AKR1C4: variants seen among roughly 807,000 people sequenced by gnomAD.
AKR1C4 encodes aldo-keto reductase family 1 member C4.
In AKR1C4, 44 loss-of-function variants were observed where a neutral mutation model predicts 41.0. The ratio of observed to expected loss-of-function variants is 1.07; its 90% CI spans 0.84 to 1.38. AKR1C4 has a LOEUF of 1.38. AKR1C4 is among the 40% of genes most tolerant of loss of function. AKR1C4 has a pLI of 0.00. For missense variants in AKR1C4, 438 were observed against 387.9 expected, an observed-to-expected ratio of 1.13 and a Z score of -1.09; for synonymous variants, 165 against 137.7, an observed-to-expected ratio of 1.20 and a Z score of -1.39.
intron 2 of AKR1C4, among the ~76,000 whole-genome samples, chr10:5,203,591 G>T (rs1334116654): frequency 6.6e-6 from 1 of 152,198 alleles, no homozygotes; most frequent in Non-Finnish European, 1.5e-5. Context: ...TTTTTCATCT[G>T]TCTCACAGTG....
In AKR1C4 at chr10:5,212,982, C is replaced by G. The variant is rs1430120384; in HGVS notation, c.681-12C>G. On this transcript the variant is annotated splice_polypyrimidine_tract_variant and intron_variant, in intron 6 of 8. Coordinates refer to ENST00000263126, the MANE Select transcript of AKR1C4 (RefSeq NM_001818.5). ...AGCCTCAAGACTTCAGCATTTCTGG[C>G]TTTCCTTCCAGGGTGGACCCAAACT... 1 of 1,613,048 alleles carries G rather than the reference C, an allele frequency of 6.2e-7. No individual in the cohort carries two copies. The highest frequency in any genetic ancestry group is 1.1e-5 in the South Asian group (1 of 90,984).
chr10:5,216,395 A>AT (rs1330460503), intron 7 of AKR1C4, among the ~76,000 whole-genome samples: 1 of 152,188 alleles, frequency 6.6e-6, no homozygotes, highest in African/African-American at 2.4e-5. Context: ...ACATTTCAAA[A>AT]TTTCTCTAGA....
Position 5,213,040 on chromosome 10 carries a change from G to T in AKR1C4, c.727G>T (p.Ala243Ser). The T allele has an allele frequency of 6.2e-7, 1 of 1,614,098 alleles. No individual in the cohort carries two copies. Among genetic ancestry groups the T allele is most frequent in the African/African-American group, 1.3e-5 (1 of 75,022 alleles). The change falls in exon 7 of 9, where the codon GCC (alanine) becomes TCC (serine). Residue 243 changes from alanine (A) to serine (S), a missense_variant. By Grantham distance (99) the Ala-to-Ser change is moderately conservative. Coordinates refer to ENST00000263126, the MANE Select transcript of AKR1C4 (RefSeq NM_001818.5). ...PVLLEDPVLC[A>S]LAKKHKQTPA... The stretch of plus-strand genomic sequence containing the variant: ...TCTTTTGGAGGACCCAGTTCTTTGT[G>T]CCTTAGCAAAGAAACACAAACAAAC...
At chr10:5,217,572 C>A (rs1222414143) in intron 8 of AKR1C4, among the ~76,000 whole-genome samples, 1 of 152,086 alleles carries the variant, frequency 6.6e-6, no homozygotes, top group Non-Finnish European at 1.5e-5. Flanking sequence ...CCAGCCTGGC[C>A]AAAATGGCAA....
rs1554798055 is a variant in AKR1C4 at position 5,212,655 on chromosome 10, G to T, written c.610G>T (p.Asp204Tyr). The change falls in exon 6 of 9, where the codon GAT (aspartate) becomes TAT (tyrosine). Residue 204 changes from aspartate to tyrosine, a missense_variant. Asp to Tyr is a radical substitution (Grantham distance 160, BLOSUM62 -3). Coordinates refer to ENST00000263126, the MANE Select transcript of AKR1C4 (RefSeq NM_001818.5). ...HPYLNQSKLL[D>Y]FCKSKDIVLV... ...TTACCTCAACCAGAGCAAACTGCTG[G>T]ATTTCTGCAAGTCAAAAGACATTGT... The T allele has an allele frequency of 6.2e-7, 1 of 1,613,802 alleles. No individual in the cohort carries two copies.
chr10:5,217,661 G>A (rs1012070387), intron 8 of AKR1C4, among the ~76,000 whole-genome samples: 1 of 152,210 alleles, frequency 6.6e-6, no homozygotes, highest in Non-Finnish European at 1.5e-5. Context: ...TAAGGAGGCT[G>A]AGACAGGAGA....
intron 5 of AKR1C4, among the ~76,000 whole-genome samples, chr10:5,208,263 T>C (rs1832519474): frequency 6.6e-6 from 1 of 151,660 alleles, no homozygotes; most frequent in Non-Finnish European, 1.5e-5. Flanking sequence ...CTTACTCTTT[T>C]ACTACTTAGA....
At chr10:5,207,618 A>T in intron 5 of AKR1C4, 1 of 1,170,738 alleles carries the variant, frequency 8.5e-7, no homozygotes, top group Non-Finnish European at 1.2e-6. Flanking sequence ...CAATGGTTGA[A>T]CTAAGCTCAT....
At chr10:5,197,602 C>T (rs1341477634) in intron 1 of AKR1C4, among the ~76,000 whole-genome samples, 1 of 152,190 alleles carries the variant, frequency 6.6e-6, no homozygotes, top group East Asian at 1.9e-4. Flanking sequence ...AGATTTGTAT[C>T]AAAATGATAG....
chr10:5,203,388 C>T (rs569065932), intron 2 of AKR1C4, among the ~76,000 whole-genome samples: 41 of 152,308 alleles, frequency 2.7e-4, no homozygotes, highest in African/African-American at 9.4e-4. Context: ...TCCCTCAGTC[C>T]ATGCTGGAGA....
chr10:5,215,381 G>A (rs1832640176), intron 7 of AKR1C4, among the ~76,000 whole-genome samples: 1 of 151,394 alleles, frequency 6.6e-6, no homozygotes, highest in Admixed American at 6.6e-5. Flanking sequence ...TTGTGCTGCT[G>A]TAAAAAAAAT....
chr10:5,213,396 ACT>A (rs1832607235), intron 7 of AKR1C4, among the ~76,000 whole-genome samples: 1 of 152,086 alleles, frequency 6.6e-6, no homozygotes, highest in Non-Finnish European at 1.5e-5. Flanking sequence ...TGGCAACTTA[ACT>A]CTATCCCTCT....
chr10:5,216,857 T>G, intron 8 of AKR1C4, 64 bp downstream of exon 8: 1 of 1,185,458 alleles, frequency 8.4e-7, no homozygotes, highest in African/African-American at 1.5e-5. Context: ...AGATGGGTGT[T>G]GAAAGTGACC....
intron 5 of AKR1C4, among the ~76,000 whole-genome samples, chr10:5,206,947 G>A (rs1489997697): frequency 2.0e-5 from 3 of 152,180 alleles, no homozygotes; most frequent in Non-Finnish European, 2.9e-5. Context: ...AGGTTAGGGA[G>A]AGGAAGTTAC....
intron 1 of AKR1C4, 72 bp downstream of exon 1, chr10:5,197,023 G>T: frequency 1.4e-6 from 2 of 1,471,186 alleles, no homozygotes; most frequent in South Asian, 1.1e-5. Context: ...GACCTGGGTT[G>T]TTCAGCTTTG....
Position 5,212,667 on chromosome 10 carries a change from T to C in AKR1C4, c.622T>C (p.Ser208Pro), listed in dbSNP as rs1234930517. 3 of 1,613,818 alleles carry C rather than the reference T, an allele frequency of 1.9e-6. No homozygotes were observed. Among genetic ancestry groups the C allele is most frequent in the Non-Finnish European group, 2.5e-6 (3 of 1,179,980 alleles). Residue 208 changes from serine (S) to proline (P), a missense_variant, in exon 6 of 9, where the codon TCA becomes CCA. By Grantham distance (74) the Ser-to-Pro change is moderately conservative. Transcript: ENST00000263126. ...GAGCAAACTGCTGGATTTCTGCAAG[T>C]CAAAAGACATTGTTCTGGTTGCCCA... ...NQSKLLDFCKSKDIVLVAHSA... is the reference protein window; with the variant it reads ...NQSKLLDFCKPKDIVLVAHSA...
chr10:5,206,375 A>C lies in AKR1C4; in HGVS notation c.548A>C (p.Lys183Thr), dbSNP rs553027648. ...ATGATCCTCAACAAGCCAGGACTCA[A>C]GTACAAGCCTGTCTGCAACCAGGTG... ...LEMILNKPGLKYKPVCNQVEC... is the reference protein window; with the variant it reads ...LEMILNKPGLTYKPVCNQVEC... The change falls in exon 5 of 9, where the codon AAG becomes ACG. Residue 183 changes from lysine (K) to threonine (T), a missense_variant. Physicochemically the swap from Lys to Thr is moderately conservative, Grantham distance 78 (BLOSUM62 -1). Coordinates refer to ENST00000263126, the MANE Select transcript of AKR1C4 (RefSeq NM_001818.5). 1 of 1,614,104 alleles carries C rather than the reference A, an allele frequency of 6.2e-7. No homozygotes were observed. Among genetic ancestry groups the C allele is most frequent in the African/African-American group, 1.3e-5 (1 of 75,046 alleles).
At chr10:5,197,909 A>C (rs1392702444) in intron 1 of AKR1C4, among the ~76,000 whole-genome samples, 1 of 152,230 alleles carries the variant, frequency 6.6e-6, no homozygotes, top group Non-Finnish European at 1.5e-5. Context: ...CCTGCACAGC[A>C]AACAGAGGAT....
chr10:5,207,178 C>A, intron 5 of AKR1C4: 1 of 188,488 alleles, frequency 5.3e-6, no homozygotes. Context: ...GGGGAATGGG[C>A]TAACTGGCTA....
Sources: allele counts gnomAD v4.1 joint callset (sites outside exome capture counted in the v4.1 genomes callset), GRCh38; gene constraint gnomAD v4.1.1; transcripts MANE v1.5; gene names NCBI Gene and HGNC (gene_info 2026-07-23, HGNC 2026-07-21).